Variants in LHFPL3 observed in about 807,000 individuals in gnomAD.
The protein encoded by LHFPL3 is LHFPL tetraspan subfamily member 3.
LHFPL3 carries 5 observed loss-of-function variants against 19.3 expected under a neutral mutation model. The ratio of observed to expected loss-of-function variants is 0.26; its 90% CI spans 0.14 to 0.54. The LOEUF (loss-of-function observed/expected upper bound fraction) is 0.54, where lower values mean the gene tolerates loss of function less well. Ranked by LOEUF, LHFPL3 falls within the 20% of genes least tolerant of loss-of-function variation. The pLI, the probability that LHFPL3 is intolerant of heterozygous loss-of-function variation, is 0.94. For missense variants in LHFPL3, 249 were observed against 307.4 expected (o/e 0.81, Z 1.42); for synonymous variants, 133 against 126.2 (o/e 1.05, Z -0.36).
At chr7:104,367,018 T>G (rs534312114) in intron 1 of LHFPL3, among the ~76,000 whole-genome samples, 1 of 150,820 alleles carries the variant, frequency 6.6e-6, no homozygotes, top group South Asian at 2.1e-4. Flanking sequence ...TACTTATGAT[T>G]GTCCTGAAGC....
chr7:104,796,024 C>T lies in LHFPL3; in HGVS notation c.682+59113C>T, dbSNP rs1790118041. 2.0e-5 allele frequency among the ~76,000 whole-genome samples: 3 copies of T among 152,302 alleles called. No individual in the cohort carries two copies. In the South Asian group the frequency reaches 6.2e-4, roughly 32 times the overall value. On this transcript the variant is annotated intron_variant, in intron 2 of 2. Coordinates refer to ENST00000424859, the MANE Select transcript of LHFPL3 (RefSeq NM_199000.3). ...CCAGTGCCGGGGCTTCTGCCTTTTGCTGTAACAAGTGCTGTAGAAATTGTC... is the reference window on the plus strand; with the variant it reads ...CCAGTGCCGGGGCTTCTGCCTTTTGTTGTAACAAGTGCTGTAGAAATTGTC...
chr7:104,792,152 C>A (rs1168027101), intron 2 of LHFPL3, among the ~76,000 whole-genome samples: 1 of 152,202 alleles, frequency 6.6e-6, no homozygotes, highest in Non-Finnish European at 1.5e-5. Context: ...TCCTTTCCCT[C>A]ACCCCACAAA....
chr7:104,536,390 T>A (rs1794388698), intron 1 of LHFPL3, among the ~76,000 whole-genome samples: 1 of 152,218 alleles, frequency 6.6e-6, no homozygotes, highest in South Asian at 2.1e-4. Flanking sequence ...TTACAAATGG[T>A]TAGCCCAGCC....
chr7:104,449,803 T>A (rs936616410), intron 1 of LHFPL3, among the ~76,000 whole-genome samples: 1 of 152,172 alleles, frequency 6.6e-6, no homozygotes. Flanking sequence ...ACACCTTTTC[T>A]CTCCAGCTTG....
chr7:104,816,489 TC>T (rs1790562807), intron 2 of LHFPL3, among the ~76,000 whole-genome samples: 1 of 152,224 alleles, frequency 6.6e-6, no homozygotes, highest in South Asian at 2.1e-4. Flanking sequence ...CATTCTATTT[TC>T]TTGGATTCTA....
At chr7:104,671,583 A>AG (rs769082164) in intron 1 of LHFPL3, among the ~76,000 whole-genome samples, 3 of 150,306 alleles carry the variant, frequency 2.0e-5, no homozygotes, top group African/African-American at 4.9e-5. Flanking sequence ...AAAAAAAAAA[A>AG]AAAGAAAGAA....
rs116607001 is a variant in LHFPL3 at position 104,489,543 on chromosome 7, T to G, written c.445+160319T>G. Among the ~76,000 whole-genome samples, 546 of 150,928 alleles carry G rather than the reference T, an allele frequency of 3.6e-3. 4 individuals are homozygous for G. The highest frequency in any genetic ancestry group is 0.013 in the African/African-American group (530 of 40,956). On this transcript the variant is annotated intron_variant, in intron 1 of 2. Transcript: ENST00000424859. ...CCATCATCTAGTGTGTCTCCATAAA[T>G]ATTTATTTAATAAATTAATGTACTG...
At chr7:104,518,883 T>C (rs1473358305) in intron 1 of LHFPL3, among the ~76,000 whole-genome samples, 1 of 151,998 alleles carries the variant, frequency 6.6e-6, no homozygotes, top group Non-Finnish European at 1.5e-5. Flanking sequence ...AGCTTTATTT[T>C]AGAATATTTA....
chr7:104,550,729 G>A (rs533166912), intron 1 of LHFPL3, among the ~76,000 whole-genome samples: 146 of 152,216 alleles, frequency 9.6e-4, no homozygotes, highest in African/African-American at 3.2e-3. Flanking sequence ...CAGCTCCATT[G>A]AAACCTATGA....
intron 1 of LHFPL3, among the ~76,000 whole-genome samples, chr7:104,587,560 A>C (rs1051237903): frequency 1.3e-5 from 2 of 152,222 alleles, no homozygotes; most frequent in African/African-American, 4.8e-5. Flanking sequence ...TGCTATTATG[A>C]ATAGTGCCAC....
chr7:104,845,420 A>G, intron 2 of LHFPL3: 2 of 1,535,862 alleles, frequency 1.3e-6, no homozygotes, highest in Non-Finnish European at 8.7e-7. Flanking sequence ...GTAGTGTGAG[A>G]CCACACCATG....
chr7:104,347,433 T>G (rs887429860), intron 1 of LHFPL3, among the ~76,000 whole-genome samples: 9 of 151,876 alleles, frequency 5.9e-5, no homozygotes, highest in African/African-American at 2.2e-4. Flanking sequence ...CTTTTTGGAG[T>G]TAGGGATTGG....
At chr7:104,813,515 C>G (rs1435566958) in intron 2 of LHFPL3, among the ~76,000 whole-genome samples, 1 of 152,168 alleles carries the variant, frequency 6.6e-6, no homozygotes, top group African/African-American at 2.4e-5. Context: ...CCCACTTGGC[C>G]TGGCAGGCTG....
At chr7:104,656,552 C>T (rs1160066082) in intron 1 of LHFPL3, among the ~76,000 whole-genome samples, 2 of 152,178 alleles carry the variant, frequency 1.3e-5, no homozygotes, top group Non-Finnish European at 2.9e-5. Flanking sequence ...AGGGATAGAT[C>T]GTGCATGGGC....
At chr7:104,602,018 T>C (rs1464694216) in intron 1 of LHFPL3, among the ~76,000 whole-genome samples, 1 of 87,752 alleles carries the variant, frequency 1.1e-5, no homozygotes, top group East Asian at 3.1e-4. Flanking sequence ...TCTTTTTCTT[T>C]TCTTTTTTTT....
chr7:104,559,988 A>G (rs893260349), intron 1 of LHFPL3, among the ~76,000 whole-genome samples: 46 of 149,944 alleles, frequency 3.1e-4, no homozygotes, highest in Middle Eastern at 3.4e-3. Flanking sequence ...ACATTTATTG[A>G]TTTGCGTATA....
chr7:104,521,908 G>C (rs1794071380), intron 1 of LHFPL3, among the ~76,000 whole-genome samples: 1 of 152,086 alleles, frequency 6.6e-6, no homozygotes, highest in African/African-American at 2.4e-5. Context: ...AGAGGATGTG[G>C]AGAAATAGGA....
At chr7:104,406,964 A>G (rs932684118) in intron 1 of LHFPL3, among the ~76,000 whole-genome samples, 3 of 152,192 alleles carry the variant, frequency 2.0e-5, no homozygotes, top group South Asian at 2.1e-4. Context: ...AGTCCAAGGT[A>G]TGAGTTAGAT....
intron 1 of LHFPL3, among the ~76,000 whole-genome samples, chr7:104,440,453 T>C (rs986276442): frequency 3.3e-5 from 5 of 150,510 alleles, no homozygotes; most frequent in Non-Finnish European, 5.9e-5. Context: ...TTAGGAGATA[T>C]ACCTAATGTA....
Sources: gnomAD v4.1 joint callset for allele counts (sites outside exome capture counted in the v4.1 genomes callset) on GRCh38, gnomAD v4.1.1 for gene constraint, MANE v1.5 for transcripts, NCBI Gene and HGNC (gene_info 2026-07-23, HGNC 2026-07-21) for gene names.